The following TSHZ2 variants were observed in gnomAD, a reference collection of about 807,000 sequenced individuals.
The protein encoded by TSHZ2 is teashirt homolog 2.
A neutral mutation model predicts 74.4 loss-of-function variants in TSHZ2; 21 were observed. That is an observed-to-expected ratio of 0.28 (90% CI 0.20 to 0.41). The LOEUF (loss-of-function observed/expected upper bound fraction) is 0.41. TSHZ2 is among the 10% of genes least tolerant of loss of function. The pLI, the probability that TSHZ2 is intolerant of heterozygous loss-of-function variation, is 1.00. For synonymous variants in TSHZ2, 540 were observed against 515.3 expected (o/e 1.05, Z -0.65); for missense variants, 1,244 against 1,293.5 (o/e 0.96, Z 0.59).
intron 2 of TSHZ2, among the ~76,000 whole-genome samples, chr20:53,315,475 A>G (rs1054129057): frequency 1.3e-5 from 2 of 152,240 alleles, no homozygotes; most frequent in African/African-American, 4.8e-5. Context: ...AACTTTGTGT[A>G]TAGGCGTGCT....
At chr20:53,334,275 C>T (rs1355605531) in intron 2 of TSHZ2, among the ~76,000 whole-genome samples, 1 of 152,030 alleles carries the variant, frequency 6.6e-6, no homozygotes, top group African/African-American at 2.4e-5. Context: ...TAGGGGAGGT[C>T]AAGGGATACA....
At chr20:53,140,539 CAAAAAAAAAAAAA>C (rs34045440) in intron 1 of TSHZ2, among the ~76,000 whole-genome samples, 11,554 of 80,124 alleles carry the variant, frequency 0.14, 585 homozygotes, top group African/African-American at 0.16. Context: ...GACTCCGTCT[CAAAAAAAAAAAAA>C]AAAAAAAAAA....
At chr20:53,109,674 G>C (rs909049708) in intron 1 of TSHZ2, among the ~76,000 whole-genome samples, 1 of 152,190 alleles carries the variant, frequency 6.6e-6, no homozygotes, top group Non-Finnish European at 1.5e-5. Flanking sequence ...CTTTCTAAAA[G>C]AATCATTCTT....
chr20:53,042,823 C>T (rs1212782924), intron 1 of TSHZ2, among the ~76,000 whole-genome samples: 4 of 152,024 alleles, frequency 2.6e-5, no homozygotes, highest in Admixed American at 6.6e-5. Flanking sequence ...GCATATGTTT[C>T]GATCCAGCAA....
chr20:53,442,163 A>C (rs1453556006), intron 2 of TSHZ2, among the ~76,000 whole-genome samples: 1 of 152,190 alleles, frequency 6.6e-6, no homozygotes. Flanking sequence ...GGAAGATTTT[A>C]AGCAGGGAAT....
intron 1 of TSHZ2, among the ~76,000 whole-genome samples, chr20:53,141,353 A>G (rs1053723298): frequency 2.0e-5 from 3 of 151,848 alleles, no homozygotes; most frequent in Admixed American, 1.3e-4. Flanking sequence ...TAGTTCTTAG[A>G]TAGTGTTTTA....
chr20:53,114,786 G>A (rs967894459), intron 1 of TSHZ2, among the ~76,000 whole-genome samples: 1 of 152,102 alleles, frequency 6.6e-6, no homozygotes, highest in Non-Finnish European at 1.5e-5. Flanking sequence ...TGGGCCTTCT[G>A]CTTAAATTAT....
At chr20:53,486,798 A>C (rs1381856597) in intron 2 of TSHZ2, among the ~76,000 whole-genome samples, 1 of 150,186 alleles carries the variant, frequency 6.7e-6, no homozygotes, top group Non-Finnish European at 1.5e-5. Flanking sequence ...TCACCCAGGC[A>C]GTGAGCATAG....
chr20:53,429,437 C>T (rs779887962), intron 2 of TSHZ2, among the ~76,000 whole-genome samples: 1 of 152,162 alleles, frequency 6.6e-6, no homozygotes, highest in Non-Finnish European at 1.5e-5. Context: ...GGGTCTTTCC[C>T]GTGCTGTTCT....
intron 1 of TSHZ2, among the ~76,000 whole-genome samples, chr20:53,224,849 C>CA (rs1157712413): frequency 0.065 from 7,296 of 112,166 alleles, 269 homozygotes; most frequent in Admixed American, 0.098. Flanking sequence ...GACTCCATCT[C>CA]AAAAAAAAAA....
At chr20:52,983,111 T>C (rs1400305259) in intron 1 of TSHZ2, among the ~76,000 whole-genome samples, 1 of 152,176 alleles carries the variant, frequency 6.6e-6, no homozygotes, top group Non-Finnish European at 1.5e-5. Context: ...GGTGCTGTGA[T>C]GGATGACATG....
chr20:53,383,741 C>A (rs1414990757), intron 2 of TSHZ2, among the ~76,000 whole-genome samples: 3 of 152,114 alleles, frequency 2.0e-5, no homozygotes, highest in Non-Finnish European at 2.9e-5. Context: ...AGCCTGGTGA[C>A]AGAGTGAGAC....
chr20:53,153,281 TGTTCCTGCA>T (rs1365680458), intron 1 of TSHZ2, among the ~76,000 whole-genome samples: 1 of 152,214 alleles, frequency 6.6e-6, no homozygotes, highest in East Asian at 1.9e-4. Context: ...AGAGCAGGAC[TGTTCCTGCA>T]GTGTGGCCAA....
At chr20:53,322,888 C>G (rs990513391) in intron 2 of TSHZ2, among the ~76,000 whole-genome samples, 4 of 152,174 alleles carry the variant, frequency 2.6e-5, no homozygotes, top group African/African-American at 4.8e-5. Context: ...CCTGGAGCCT[C>G]TGTGTTTGGT....
At chr20:53,127,917 A>G (rs1456829294) in intron 1 of TSHZ2, among the ~76,000 whole-genome samples, 1 of 152,160 alleles carries the variant, frequency 6.6e-6, no homozygotes, top group African/African-American at 2.4e-5. Flanking sequence ...GACCAAGGGA[A>G]GGTCTTTATT....
chr20:53,415,693 A>AC (rs1983214244), intron 2 of TSHZ2, among the ~76,000 whole-genome samples: 3 of 146 alleles, frequency 0.021, no homozygotes, highest in African/African-American at 0.075. Context: ...GTATATACAT[A>AC]TTATATGTGT....
chr20:53,416,227 C>T (rs920350760), intron 2 of TSHZ2, among the ~76,000 whole-genome samples: 3 of 152,110 alleles, frequency 2.0e-5, no homozygotes, highest in Admixed American at 6.5e-5. Flanking sequence ...CCCCAGAGGG[C>T]GATTTGGGTG....
chr20:53,337,572 T>C (rs553070703), intron 2 of TSHZ2, among the ~76,000 whole-genome samples: 2 of 152,322 alleles, frequency 1.3e-5, no homozygotes, highest in African/African-American at 4.8e-5. Flanking sequence ...TGTGAGTGGA[T>C]GCTGAGTGAG....
At chr20:53,375,106 C>T (rs1981614737) in intron 2 of TSHZ2, among the ~76,000 whole-genome samples, 1 of 152,058 alleles carries the variant, frequency 6.6e-6, no homozygotes, top group Admixed American at 6.6e-5. Flanking sequence ...CCATCAAACC[C>T]AGGAGTGCAT....
Sources: gnomAD v4.1 joint callset for allele counts (sites outside exome capture counted in the v4.1 genomes callset) on GRCh38, gnomAD v4.1.1 for gene constraint, MANE v1.5 for transcripts, NCBI Gene and HGNC (gene_info 2026-07-23, HGNC 2026-07-21) for gene names.